Variants in LRRC4C observed in about 807,000 individuals in gnomAD.
LRRC4C encodes leucine-rich repeat-containing protein 4C.
A neutral mutation model predicts 33.6 loss-of-function variants in LRRC4C; 5 were observed. The observed-to-expected ratio is 0.15, with a 90% confidence interval of 0.08 to 0.31. The LOEUF (loss-of-function observed/expected upper bound fraction) is 0.31. LRRC4C is among the 10% of genes least tolerant of loss of function. The pLI, the probability that LRRC4C is intolerant of heterozygous loss-of-function variation, is 1.00. For missense variants in LRRC4C, 560 were observed against 796.7 expected, an observed-to-expected ratio of 0.70 and a Z score of 3.58; for synonymous variants, 329 against 302.0, an observed-to-expected ratio of 1.09 and a Z score of -0.93.
At chr11:41,293,516 T>C (rs1238466055) in intron 1 of LRRC4C, among the ~76,000 whole-genome samples, 1 of 152,156 alleles carries the variant, frequency 6.6e-6, no homozygotes, top group East Asian at 1.9e-4. Flanking sequence ...ACACACTTTT[T>C]ACAATGAGCA....
rs576813465 is a variant in LRRC4C, at chr11:40,938,577, A to G, written c.-495-4854T>C. Among the ~76,000 whole-genome samples the G allele has an allele frequency of 2.0e-5, 3 of 152,282 alleles. No individual in the cohort carries two copies. The South Asian group carries it at 6.2e-4, about 32-fold the overall frequency. ...TTGAAAATGTCATTCATTAGTTTTAACCACCTACTGCCTCTTCTTAAATAG... is the reference window on the plus strand; with the variant it reads ...TTGAAAATGTCATTCATTAGTTTTAGCCACCTACTGCCTCTTCTTAAATAG... On this transcript the variant is annotated intron_variant, in intron 1 of 6. Transcript: ENST00000528697.
chr11:40,200,832 A>C (rs1862689496), intron 5 of LRRC4C, among the ~76,000 whole-genome samples: 1 of 151,576 alleles, frequency 6.6e-6, no homozygotes, highest in Non-Finnish European at 1.5e-5. Flanking sequence ...GCAGTCTTTC[A>C]AAATTTTGAT....
intron 1 of LRRC4C, among the ~76,000 whole-genome samples, chr11:40,998,973 A>G (rs1379560864): frequency 6.6e-6 from 1 of 152,134 alleles, no homozygotes; most frequent in Non-Finnish European, 1.5e-5. Flanking sequence ...CCAACATGAC[A>G]TGAAGAATAA....
At chr11:40,833,857 C>A (rs181977207) in intron 2 of LRRC4C, among the ~76,000 whole-genome samples, 17 of 151,936 alleles carry the variant, frequency 1.1e-4, no homozygotes, top group African/African-American at 3.9e-4. Flanking sequence ...AACTGAGAAC[C>A]GGCTGTTCTG....
chr11:40,886,089 C>A (rs1042061373), intron 2 of LRRC4C, among the ~76,000 whole-genome samples: 1 of 152,080 alleles, frequency 6.6e-6, no homozygotes, highest in Non-Finnish European at 1.5e-5. Flanking sequence ...TGGATATTAT[C>A]TCCATTGGCA....
chr11:40,371,667 T>C (rs1245922890), intron 3 of LRRC4C, among the ~76,000 whole-genome samples: 1 of 152,150 alleles, frequency 6.6e-6, no homozygotes, highest in Non-Finnish European at 1.5e-5. Flanking sequence ...AAAAGATGAA[T>C]ATGTAAGATA....
chr11:41,414,962 C>T (rs79624016), intron 1 of LRRC4C, among the ~76,000 whole-genome samples: 9,483 of 152,192 alleles, frequency 0.062, 348 homozygotes, highest in East Asian at 0.13. Context: ...ACTAATATAG[C>T]ACCTTTCCTC....
intron 1 of LRRC4C, among the ~76,000 whole-genome samples, chr11:41,181,912 CTT>C (rs1260828247): frequency 1.3e-5 from 2 of 152,150 alleles, no homozygotes; most frequent in Non-Finnish European, 2.9e-5. Context: ...AAAAAAGACT[CTT>C]TACTTAAATT....
At chr11:40,418,481 G>A (rs1950407332) in intron 3 of LRRC4C, among the ~76,000 whole-genome samples, 1 of 152,192 alleles carries the variant, frequency 6.6e-6, no homozygotes, top group African/African-American at 2.4e-5. Flanking sequence ...CTAGGCTGTG[G>A]AGAAAAAGCA....
At chr11:40,777,866 T>A (rs1950069779) in intron 2 of LRRC4C, among the ~76,000 whole-genome samples, 1 of 151,860 alleles carries the variant, frequency 6.6e-6, no homozygotes, top group Non-Finnish European at 1.5e-5. Flanking sequence ...TTTTTTGTAT[T>A]ATTAATAGAG....
At chr11:41,238,218 T>C (rs1018892216) in intron 1 of LRRC4C, among the ~76,000 whole-genome samples, 6 of 152,218 alleles carry the variant, frequency 3.9e-5, no homozygotes, top group Non-Finnish European at 7.3e-5. Flanking sequence ...TAGTTCTTTA[T>C]TGCAGTATGG....
intron 1 of LRRC4C, among the ~76,000 whole-genome samples, chr11:41,326,622 T>C (rs1007602431): frequency 2.0e-5 from 3 of 152,190 alleles, no homozygotes; most frequent in Admixed American, 6.5e-5. Context: ...GAATGAGTGA[T>C]GTAGATCTGA....
intron 2 of LRRC4C, among the ~76,000 whole-genome samples, chr11:40,760,394 T>C (rs1949149039): frequency 7.0e-6 from 1 of 142,784 alleles, no homozygotes. Flanking sequence ...TGAAAATATT[T>C]ACTATTTGGT....
intron 2 of LRRC4C, among the ~76,000 whole-genome samples, chr11:40,846,061 G>C (rs749904304): frequency 6.8e-5 from 10 of 147,488 alleles, no homozygotes; most frequent in Non-Finnish European, 8.9e-5. Context: ...TGAGTTCCTT[G>C]TGGAGTCTGG....
At chr11:40,374,425 T>A (rs1044763419) in intron 3 of LRRC4C, among the ~76,000 whole-genome samples, 11 of 152,214 alleles carry the variant, frequency 7.2e-5, no homozygotes, top group African/African-American at 2.7e-4. Context: ...CGTTGTTATT[T>A]AATGGTATTT....
At chr11:41,263,389 T>C (rs1307600961) in intron 1 of LRRC4C, among the ~76,000 whole-genome samples, 2 of 152,160 alleles carry the variant, frequency 1.3e-5, no homozygotes, top group Admixed American at 6.6e-5. Flanking sequence ...AGATCAAAAT[T>C]TGGCCTTGAC....
chr11:41,140,055 T>C (rs1943435853), intron 1 of LRRC4C, among the ~76,000 whole-genome samples: 2 of 152,176 alleles, frequency 1.3e-5, no homozygotes, highest in African/African-American at 4.8e-5. Context: ...AAGTGGAATT[T>C]GAATGTTTGC....
intron 1 of LRRC4C, among the ~76,000 whole-genome samples, chr11:41,389,441 T>C (rs1040494105): frequency 6.6e-6 from 1 of 151,470 alleles, no homozygotes; most frequent in Non-Finnish European, 1.5e-5. Flanking sequence ...TAAGTTTCAA[T>C]TAAATATAGG....
chr11:41,192,777 G>C (rs997531732), intron 1 of LRRC4C, among the ~76,000 whole-genome samples: 2 of 152,072 alleles, frequency 1.3e-5, no homozygotes, highest in African/African-American at 4.8e-5. Context: ...AGAATCTAAA[G>C]CTGGGGAATT....
Sources: gnomAD v4.1 joint callset for allele counts (sites outside exome capture counted in the v4.1 genomes callset) on GRCh38, gnomAD v4.1.1 for gene constraint, MANE v1.5 for transcripts, NCBI Gene and HGNC (gene_info 2026-07-23, HGNC 2026-07-21) for gene names.